The following PARD3B variants were observed in gnomAD, a reference collection of about 807,000 sequenced individuals.
PARD3B encodes the protein par-3 family cell polarity regulator beta.
In PARD3B, 103 loss-of-function variants were observed where a neutral mutation model predicts 130.2. The ratio of observed to expected loss-of-function variants is 0.79; its 90% confidence interval spans 0.67 to 0.93. PARD3B has a LOEUF of 0.93. PARD3B is among the 40% of genes least tolerant of loss of function. The probability of loss-of-function intolerance (pLI) is 0.00; values close to 1 mark genes in which losing one functional copy is unlikely to be tolerated. For missense variants in PARD3B, 1,609 were observed against 1,499.2 expected, an observed-to-expected ratio of 1.07 and a Z score of -1.21; for synonymous variants, 583 against 553.2, an observed-to-expected ratio of 1.05 and a Z score of -0.76.
intron 2 of PARD3B, among the ~76,000 whole-genome samples, chr2:204,898,192 A>G (rs1385498768): frequency 6.6e-6 from 1 of 151,380 alleles, no homozygotes; most frequent in Non-Finnish European, 1.5e-5. Context: ...TTTATTTTTA[A>G]TTTTTGTGGT....
intron 3 of PARD3B, among the ~76,000 whole-genome samples, chr2:205,013,646 A>T (rs1695897046): frequency 6.6e-6 from 1 of 152,200 alleles, no homozygotes; most frequent in Non-Finnish European, 1.5e-5. Context: ...AAGACTCAGA[A>T]ATACATAGGA....
chr2:204,751,636 A>G (rs2040472353), intron 2 of PARD3B, among the ~76,000 whole-genome samples: 2 of 152,220 alleles, frequency 1.3e-5, no homozygotes, highest in African/African-American at 4.8e-5. Flanking sequence ...CATCTGTCTT[A>G]TAACTTGAAA....
At chr2:205,379,275 G>A (rs1393067413) in intron 18 of PARD3B, among the ~76,000 whole-genome samples, 2 of 152,038 alleles carry the variant, frequency 1.3e-5, no homozygotes, top group Non-Finnish European at 2.9e-5. Flanking sequence ...ATCAAATACC[G>A]GGTTATAATT....
chr2:204,978,613 A>G (rs1692394777), intron 3 of PARD3B, among the ~76,000 whole-genome samples: 1 of 152,174 alleles, frequency 6.6e-6, no homozygotes, highest in Non-Finnish European at 1.5e-5. Context: ...TCAGCTTGCA[A>G]AAGTGGATTG....
chr2:205,129,227 G>A (rs12612762), intron 10 of PARD3B, among the ~76,000 whole-genome samples: 41,721 of 152,124 alleles, frequency 0.27, 6,596 homozygotes, highest in Admixed American at 0.44. Flanking sequence ...CCTAAGTCAC[G>A]TGGACCCATA....
At chr2:205,370,727 G>A (rs144921180) in intron 18 of PARD3B, among the ~76,000 whole-genome samples, 79 of 152,340 alleles carry the variant, frequency 5.2e-4, no homozygotes, top group Non-Finnish European at 1.0e-3. Context: ...ATTTCTGAAA[G>A]TATCGACAGA....
intron 15 of PARD3B, among the ~76,000 whole-genome samples, chr2:205,213,817 T>C (rs2037772099): frequency 6.6e-6 from 1 of 152,054 alleles, no homozygotes; most frequent in South Asian, 2.1e-4. Flanking sequence ...ATAAAGAAGG[T>C]CAAAGGCTTC....
At chr2:204,708,691 C>T (rs2038296445) in intron 2 of PARD3B, among the ~76,000 whole-genome samples, 1 of 152,178 alleles carries the variant, frequency 6.6e-6, no homozygotes, top group Non-Finnish European at 1.5e-5. Context: ...AAATTCTTCT[C>T]ATAGAATTGT....
At chr2:205,095,442 T>C (rs750194256) in intron 4 of PARD3B, among the ~76,000 whole-genome samples, 15 of 152,162 alleles carry the variant, frequency 9.9e-5, no homozygotes, top group Non-Finnish European at 1.8e-4. Context: ...TCTAAACTTC[T>C]ATGGCTCTGA....
chr2:204,740,960 C>G (rs1254633432), intron 2 of PARD3B, among the ~76,000 whole-genome samples: 1 of 152,078 alleles, frequency 6.6e-6, no homozygotes, highest in Non-Finnish European at 1.5e-5. Context: ...ATGATGACTT[C>G]TAAATCATAA....
rs541191287 is a variant in PARD3B at position 204,934,436 on chromosome 2, T to C, written c.223-30716T>C. Among the ~76,000 whole-genome samples the C allele has an allele frequency of 2.2e-4, 33 of 152,300 alleles. No homozygotes were observed. The South Asian group carries it at 5.8e-3, about 27-fold the overall frequency. On this transcript the variant is annotated intron_variant, in intron 2 of 22. Coordinates refer to ENST00000406610, the MANE Select transcript of PARD3B (RefSeq NM_001302769.2). ...AATGGTGTTTTTGGAACAATGCAAA[T>C]GCATAGAAGTCACTGGTCTGGTTTT...
intron 2 of PARD3B, among the ~76,000 whole-genome samples, chr2:204,936,857 C>G (rs1238952074): frequency 6.6e-6 from 1 of 152,204 alleles, no homozygotes; most frequent in Non-Finnish European, 1.5e-5. Context: ...GATGCAGCAA[C>G]TGGTGTAAAA....
intron 19 of PARD3B, among the ~76,000 whole-genome samples, chr2:205,433,793 A>G (rs1442213564): frequency 6.6e-6 from 1 of 152,184 alleles, no homozygotes. Context: ...ACTAAGGATG[A>G]TAATTTTAAG....
intron 3 of PARD3B, among the ~76,000 whole-genome samples, chr2:205,045,719 GTC>G (rs1034122367): frequency 1.2e-4 from 18 of 149,458 alleles, no homozygotes; most frequent in East Asian, 3.9e-4. Context: ...GAAAAACCAT[GTC>G]TCTCTCTCTC....
chr2:204,713,995 A>G (rs555040711), intron 2 of PARD3B, among the ~76,000 whole-genome samples: 1 of 152,306 alleles, frequency 6.6e-6, no homozygotes, highest in Admixed American at 6.5e-5. Context: ...TAGGAAATAT[A>G]TGTATGTTTA....
intron 2 of PARD3B, among the ~76,000 whole-genome samples, chr2:204,899,042 C>T (rs184748368): frequency 1.0e-4 from 13 of 129,796 alleles, no homozygotes; most frequent in South Asian, 8.7e-4. Flanking sequence ...TTGTAGGCAA[C>T]GGAATATTAG....
intron 1 of PARD3B, among the ~76,000 whole-genome samples, chr2:204,616,503 C>T (rs547807849): frequency 5.3e-5 from 8 of 152,242 alleles, no homozygotes; most frequent in East Asian, 3.9e-4. Context: ...AACAGGAACT[C>T]GTTCATTACT....
chr2:204,567,225 A>G (rs1010976051), intron 1 of PARD3B, among the ~76,000 whole-genome samples: 2 of 152,106 alleles, frequency 1.3e-5, no homozygotes, highest in African/African-American at 2.4e-5. Flanking sequence ...GTTAAAACGT[A>G]CATAACATAA....
At chr2:204,883,989 G>A (rs1305918580) in intron 2 of PARD3B, among the ~76,000 whole-genome samples, 4 of 151,806 alleles carry the variant, frequency 2.6e-5, no homozygotes, top group African/African-American at 9.7e-5. Flanking sequence ...CACCCGCCTT[G>A]GCCTCCCAAA....
Sources: gnomAD v4.1 joint callset for allele counts (sites outside exome capture counted in the v4.1 genomes callset) on GRCh38, gnomAD v4.1.1 for gene constraint, MANE v1.5 for transcripts, NCBI Gene and HGNC (gene_info 2026-07-23, HGNC 2026-07-21) for gene names.